GNAS: variants seen among roughly 807,000 people sequenced by gnomAD.
The protein encoded by GNAS is protein ALEX.
Under a neutral mutation model 54.5 loss-of-function variants are expected in GNAS, and 8 were observed. The observed-to-expected ratio is 0.15, with a 90% CI of 0.09 to 0.26. The LOEUF (loss-of-function observed/expected upper bound fraction) is 0.26, where lower values mean the gene tolerates loss of function less well. GNAS is among the 10% of genes least tolerant of loss of function. GNAS has a pLI of 1.00. For missense variants in GNAS, 170 were observed against 529.8 expected (o/e 0.32, Z 6.67); for synonymous variants, 204 against 191.4 (o/e 1.07, Z -0.54).
At chr20:58,897,745 G>C (rs1323739786) in intron 2 of GNAS, 1 of 152,210 alleles carries the variant, frequency 6.6e-6, no homozygotes, top group Non-Finnish European at 1.5e-5. Flanking sequence ...TTTAGCCTGT[G>C]AGAGGGTTTA....
upstream of GNAS, among the ~76,000 whole-genome samples, chr20:58,887,054 G>T (rs2088638666): frequency 6.6e-6 from 1 of 152,170 alleles, no homozygotes; most frequent in African/African-American, 2.4e-5. Context: ...ATATGACATG[G>T]GGCAGTTTCA....
chr20:58,881,642 C>T (rs932574177), intron 1 of GNAS: 2 of 152,266 alleles, frequency 1.3e-5, no homozygotes, highest in Non-Finnish European at 2.9e-5. Context: ...AGTCAACCAC[C>T]TTCCTGGGTG....
At chr20:58,892,309 G>A in intron 1 of GNAS, 1 of 338,280 alleles carries the variant, frequency 3.0e-6, no homozygotes. Flanking sequence ...GTAGAGGGAG[G>A]GGGACCCGCC....
chr20:58,854,595 G>C (rs747204578), intron 1 of GNAS: 18 of 1,543,820 alleles, frequency 1.2e-5, no homozygotes, highest in Non-Finnish European at 1.4e-5. Context: ...TCCCGACTCC[G>C]GGGCGGCCCC....
chr20:58,908,891 G>T, intron 6 of GNAS: 1 of 551,160 alleles, frequency 1.8e-6, no homozygotes, highest in South Asian at 1.9e-5. Flanking sequence ...TGGCCCCACT[G>T]CGTCGAGGCC....
intron 5 of GNAS, among the ~76,000 whole-genome samples, 156 bp downstream of exon 5, chr20:58,903,947 T>C (rs996471257): frequency 2.0e-5 from 3 of 152,228 alleles, no homozygotes; most frequent in African/African-American, 4.8e-5. Flanking sequence ...TAGGAAAAAG[T>C]TAATTTCATG....
chr20:58,880,890 G>A (rs921999391), intron 1 of GNAS, among the ~76,000 whole-genome samples: 1 of 151,770 alleles, frequency 6.6e-6, no homozygotes, highest in Admixed American at 6.6e-5. Flanking sequence ...TCTCTTCTCT[G>A]CCTCCCCACC....
At chr20:58,845,821 C>G (rs549150101) in intron 1 of GNAS, among the ~76,000 whole-genome samples, 1 of 152,212 alleles carries the variant, frequency 6.6e-6, no homozygotes, top group Non-Finnish European at 1.5e-5. Context: ...GCCTGCAATG[C>G]GGGGCCACCA....
At chr20:58,870,724 C>T (rs188851468) in intron 1 of GNAS, among the ~76,000 whole-genome samples, 7 of 152,128 alleles carry the variant, frequency 4.6e-5, no homozygotes, top group African/African-American at 1.2e-4. Flanking sequence ...CTTCTCCCTG[C>T]GCCAGACGCA....
At chr20:58,899,893 T>G in intron 3 of GNAS, 1 of 716,672 alleles carries the variant, frequency 1.4e-6, no homozygotes, top group Non-Finnish European at 2.6e-6. Context: ...GGGGCAAAGA[T>G]ATTGGGGTCT....
intron 1 of GNAS, among the ~76,000 whole-genome samples, chr20:58,865,353 G>A (rs569154665): frequency 2.0e-5 from 3 of 151,094 alleles, no homozygotes; most frequent in Admixed American, 6.6e-5. Context: ...GGGAGGCAGA[G>A]GTTGCAGTGA....
intron 1 of GNAS, among the ~76,000 whole-genome samples, chr20:58,849,949 A>G (rs1217097353): frequency 2.0e-5 from 3 of 152,214 alleles, no homozygotes; most frequent in Non-Finnish European, 4.4e-5. Context: ...AAATAGCCTC[A>G]AAAGTGCTTG....
intron 6 of GNAS, 186 bp from the exon 7 acceptor site, chr20:58,908,976 C>A: frequency 2.7e-6 from 2 of 746,826 alleles, no homozygotes; most frequent in South Asian, 2.7e-5. Context: ...TTTGCCCTAA[C>A]CTTCTTAAGG....
chr20:58,854,261 T>C (rs1260723469), intron 1 of GNAS: 1 of 1,612,980 alleles, frequency 6.2e-7, no homozygotes, highest in Admixed American at 1.7e-5. Context: ...CAATCGCGCT[T>C]GACGGCCCGC....
At chr20:58,851,991 C>T (rs1459802826) in intron 1 of GNAS, among the ~76,000 whole-genome samples, 1 of 152,148 alleles carries the variant, frequency 6.6e-6, no homozygotes, top group African/African-American at 2.4e-5. Context: ...CACCCTAAAC[C>T]GGCATTAAAC....
intron 1 of GNAS, among the ~76,000 whole-genome samples, chr20:58,876,423 A>G (rs2145752105): frequency 6.6e-6 from 1 of 152,152 alleles, no homozygotes; most frequent in South Asian, 2.1e-4. Flanking sequence ...CCCACCTGAA[A>G]TTATTTTCAG....
intron 1 of GNAS, among the ~76,000 whole-genome samples, chr20:58,894,423 T>C (rs2089841729): frequency 6.6e-6 from 1 of 152,232 alleles, no homozygotes. Flanking sequence ...CTTTTACAGA[T>C]ATTGATTACG....
upstream of GNAS, chr20:58,888,540 C>G (rs1021685830): frequency 1.3e-5 from 2 of 152,262 alleles, no homozygotes; most frequent in Admixed American, 6.5e-5. Context: ...ACTTTTCCCT[C>G]TGTTCCAGAG....
At chr20:58,875,064 A>G (rs2087718764) in intron 1 of GNAS, among the ~76,000 whole-genome samples, 1 of 152,140 alleles carries the variant, frequency 6.6e-6, no homozygotes, top group Non-Finnish European at 1.5e-5. Flanking sequence ...ATTGCTAGCT[A>G]TTTTTTATGT....
Sources: gnomAD v4.1 joint callset for allele counts (sites outside exome capture counted in the v4.1 genomes callset) on GRCh38, gnomAD v4.1.1 for gene constraint, MANE v1.5 for transcripts, NCBI Gene and HGNC (gene_info 2026-07-23, HGNC 2026-07-21) for gene names.